The following HPSE2 variants were observed in gnomAD, a reference collection of about 807,000 sequenced individuals.
The protein encoded by HPSE2 is heparanase 2 (inactive), also known as inactive heparanase-2.
In HPSE2, 38 loss-of-function variants were observed where a neutral mutation model predicts 60.5. The observed-to-expected ratio is 0.63, with a 90% confidence interval of 0.48 to 0.82. HPSE2 has a LOEUF of 0.82. HPSE2 is among the 40% of genes least tolerant of loss of function. The pLI, the probability that HPSE2 is intolerant of heterozygous loss-of-function variation, is 0.00. For missense variants in HPSE2, 713 were observed against 740.4 expected, an observed-to-expected ratio of 0.96 and a Z score of 0.43; for synonymous variants, 295 against 293.2, an observed-to-expected ratio of 1.01 and a Z score of -0.06.
intron 3 of HPSE2, among the ~76,000 whole-genome samples, chr10:98,904,122 C>T (rs1301961524): frequency 4.6e-5 from 7 of 151,838 alleles, no homozygotes; most frequent in Admixed American, 2.6e-4. Flanking sequence ...TGTGATATAT[C>T]GATATTTTAG....
chr10:98,916,591 A>C (rs1401188108), intron 3 of HPSE2, among the ~76,000 whole-genome samples: 1 of 152,220 alleles, frequency 6.6e-6, no homozygotes, highest in Non-Finnish European at 1.5e-5. Context: ...AAAAGGGAAA[A>C]GTTACCATAT....
intron 3 of HPSE2, among the ~76,000 whole-genome samples, chr10:99,025,773 G>C (rs942821678): frequency 3.3e-5 from 5 of 151,918 alleles, no homozygotes; most frequent in Admixed American, 3.3e-4. Context: ...CTTAATACCT[G>C]GGTGATGAAA....
In HPSE2 at chr10:98,459,328, C is replaced by T. The variant is rs892699770; in HGVS notation, c.*246G>A. On this transcript the variant is annotated 3_prime_UTR_variant, in exon 12 of 12. Transcript: ENST00000370552. ...ATGAAGGGAAACATTCTGCTCTATA[C>T]ACATGCCTTTATCCTTATATAGGTA... is the stretch of plus-strand genomic sequence containing the variant. 1 of 557,396 alleles carries T rather than the reference C, an allele frequency of 1.8e-6. No individual in the cohort carries two copies. The highest frequency in any genetic ancestry group is 3.3e-6 in the Non-Finnish European group (1 of 306,990). The allele number at this position is 557,396 out of a possible 1,614,324, so 34.5% of individuals were successfully genotyped here. A position where few individuals can be genotyped will look rare whatever the true frequency, so the allele number is the denominator to read the frequency against.
intron 2 of HPSE2, among the ~76,000 whole-genome samples, chr10:99,216,988 T>C (rs1430845530): frequency 1.3e-5 from 2 of 152,072 alleles, no homozygotes; most frequent in Admixed American, 1.3e-4. Context: ...TTCTCAAGAA[T>C]AGAAAAATAA....
chr10:98,588,625 C>A (rs114239964), intron 9 of HPSE2, among the ~76,000 whole-genome samples: 4 of 152,010 alleles, frequency 2.6e-5, no homozygotes, highest in African/African-American at 7.2e-5. Context: ...TCTCAAAATA[C>A]GGACAGCTTA....
intron 3 of HPSE2, among the ~76,000 whole-genome samples, chr10:98,887,754 T>C (rs1457424275): frequency 4.6e-5 from 7 of 151,812 alleles, no homozygotes; most frequent in Non-Finnish European, 5.9e-5. Context: ...AGATGAAAAA[T>C]GCATCTCCAA....
At chr10:98,798,939 A>C (rs980562738) in intron 3 of HPSE2, among the ~76,000 whole-genome samples, 1 of 152,162 alleles carries the variant, frequency 6.6e-6, no homozygotes, top group African/African-American at 2.4e-5. Flanking sequence ...CTACTTATCA[A>C]TGATAACATT....
At chr10:99,124,059 G>A (rs1272581813) in intron 3 of HPSE2, among the ~76,000 whole-genome samples, 2 of 152,128 alleles carry the variant, frequency 1.3e-5, no homozygotes, top group Admixed American at 1.3e-4. Flanking sequence ...ACATGGAGTG[G>A]GTAGCTCCTA....
intron 9 of HPSE2, among the ~76,000 whole-genome samples, chr10:98,553,407 C>T (rs1040429566): frequency 2.6e-5 from 4 of 152,174 alleles, no homozygotes; most frequent in African/African-American, 4.8e-5. Context: ...TCCTTGTTTA[C>T]ATGTGAGACT....
chr10:99,201,331 T>G (rs553964862), intron 2 of HPSE2, among the ~76,000 whole-genome samples: 1 of 152,256 alleles, frequency 6.6e-6, no homozygotes, highest in East Asian at 1.9e-4. Flanking sequence ...CATCTCACTC[T>G]TGAATATCTT....
At chr10:98,932,763 A>G (rs1180933182) in intron 3 of HPSE2, among the ~76,000 whole-genome samples, 1 of 143,074 alleles carries the variant, frequency 7.0e-6, no homozygotes, top group African/African-American at 2.9e-5. Context: ...TTTGTTTTTA[A>G]AGAGGTGTTT....
chr10:99,213,764 C>T (rs761782401), intron 2 of HPSE2, among the ~76,000 whole-genome samples: 5 of 152,054 alleles, frequency 3.3e-5, no homozygotes, highest in Non-Finnish European at 5.9e-5. Flanking sequence ...ATAATCTATG[C>T]GGCCTTATGC....
At chr10:98,808,572 G>A (rs1464120360) in intron 3 of HPSE2, among the ~76,000 whole-genome samples, 3 of 152,044 alleles carry the variant, frequency 2.0e-5, no homozygotes, top group African/African-American at 7.2e-5. Flanking sequence ...AGAGTTTAAA[G>A]ACATAAATTC....
intron 3 of HPSE2, among the ~76,000 whole-genome samples, chr10:99,137,352 C>A (rs1040615969): frequency 6.6e-6 from 1 of 152,198 alleles, no homozygotes; most frequent in South Asian, 2.1e-4. Flanking sequence ...ATATCCCCAT[C>A]AAGCTACCAC....
chr10:98,497,574 C>T (rs1941888156), intron 9 of HPSE2, among the ~76,000 whole-genome samples: 1 of 151,834 alleles, frequency 6.6e-6, no homozygotes, highest in African/African-American at 2.4e-5. Context: ...TTATTTTGTT[C>T]AAACTTTTCT....
At chr10:98,724,393 T>C (rs11189776) in intron 4 of HPSE2, among the ~76,000 whole-genome samples, 22,220 of 152,196 alleles carry the variant, frequency 0.15, 1,970 homozygotes, top group Admixed American at 0.23. Context: ...AAATATGTGG[T>C]CAATTTTGGA....
intron 3 of HPSE2, among the ~76,000 whole-genome samples, chr10:98,944,150 A>T (rs973742970): frequency 7.9e-5 from 12 of 152,296 alleles, no homozygotes; most frequent in Admixed American, 4.6e-4. Flanking sequence ...TCAATTTGAA[A>T]GGCAAAGGGT....
At chr10:99,068,614 C>T (rs1321557528) in intron 3 of HPSE2, among the ~76,000 whole-genome samples, 1 of 150,932 alleles carries the variant, frequency 6.6e-6, no homozygotes, top group South Asian at 2.1e-4. Context: ...TGTAGGGATA[C>T]AGCTGAACCA....
intron 6 of HPSE2, among the ~76,000 whole-genome samples, chr10:98,684,929 A>C (rs1402051442): frequency 1.8e-4 from 1 of 5,474 alleles, no homozygotes; most frequent in East Asian, 0.12. Context: ...TATGTTTGTC[A>C]TATATATTTC....
Sources: allele counts gnomAD v4.1 joint callset (sites outside exome capture counted in the v4.1 genomes callset), GRCh38; gene constraint gnomAD v4.1.1; transcripts MANE v1.5; gene names NCBI Gene and HGNC (gene_info 2026-07-23, HGNC 2026-07-21).